Variants in MED13L observed in about 807,000 individuals in gnomAD.
MED13L encodes mediator complex subunit 13L, also known as mediator of RNA polymerase II transcription subunit 13-like.
Under a neutral mutation model 220.9 loss-of-function variants are expected in MED13L, and 7 were observed. The observed-to-expected ratio is 0.03, with a 90% CI of 0.02 to 0.06. The LOEUF is 0.06. Ranked by LOEUF, MED13L falls within the 10% of genes least tolerant of loss-of-function variation. The probability of loss-of-function intolerance (pLI) is 1.00; values close to 1 mark genes in which losing one functional copy is unlikely to be tolerated. For synonymous variants in MED13L, 1,011 were observed against 1,015.2 expected (o/e 1.00, Z 0.08); for missense variants, 1,965 against 2,760.5 (o/e 0.71, Z 6.46).
At chr12:116,234,783 G>C (rs1436323537) in intron 2 of MED13L, among the ~76,000 whole-genome samples, 1 of 151,826 alleles carries the variant, frequency 6.6e-6, no homozygotes, top group Non-Finnish European at 1.5e-5. Context: ...CCAGTCACCC[G>C]AGTAGTTGGA....
At chr12:116,265,606 T>C (rs1411499260) in intron 1 of MED13L, among the ~76,000 whole-genome samples, 1 of 152,248 alleles carries the variant, frequency 6.6e-6, no homozygotes, top group African/African-American at 2.4e-5. Flanking sequence ...GCATTTTGCG[T>C]AATATAGCAC....
intron 2 of MED13L, among the ~76,000 whole-genome samples, chr12:116,235,211 T>C (rs1303012824): frequency 6.6e-6 from 1 of 152,168 alleles, no homozygotes. Context: ...TACTTTTACC[T>C]ACAAAAATGG....
In MED13L at chr12:116,111,501, C is replaced by T; in HGVS notation, c.322G>A (p.Gly108Arg). The change falls in exon 3 of 31, where the codon GGA becomes AGA. Residue 108 changes from glycine to arginine, a missense_variant. Gly to Arg is a moderately radical substitution (Grantham distance 125). Around this residue, in one of 10 missense-constraint regions of MED13L, gnomAD observed 818 missense variants for 1,041.2 expected, o/e 0.79. Transcript: ENST00000281928. ...IHHELQVVEE[G>R]LWENGLSYEC... ...TAGGAAAGGCCATTTTCCCAGAGTC[C>T]TTCTTCCACAACTGAAAAAAAAAAG... is the stretch of plus-strand genomic sequence containing the variant. 1.2e-6 allele frequency: 2 copies of T among 1,604,878 alleles called. No homozygotes were observed. The highest frequency in any genetic ancestry group is 1.7e-6 in the Non-Finnish European group (2 of 1,176,254).
In MED13L at chr12:115,997,295, G is replaced by C. The variant is rs1403817967; in HGVS notation, c.2570-65C>G. On this transcript the variant is annotated intron_variant, in intron 14 of 30. Coordinates refer to ENST00000281928, the MANE Select transcript of MED13L (RefSeq NM_015335.5). ...GGCTTCTAAAAAGTCCTAGCTTATA[G>C]CCAGGCGCACTCTTTGGCACCAAAA... is the stretch of plus-strand genomic sequence containing the variant. 4 of 1,384,820 alleles carry C rather than the reference G, an allele frequency of 2.9e-6. No individual in the cohort carries two copies. The African/African-American group carries it at 4.3e-5, about 15-fold the overall frequency. The allele number at this position is 1,384,820 out of a possible 1,614,324, so 85.8% of individuals were successfully genotyped here. A position where few individuals can be genotyped will look rare whatever the true frequency, so the allele number is the denominator to read the frequency against.
intron 14 of MED13L, among the ~76,000 whole-genome samples, chr12:116,001,236 G>A (rs780549943): frequency 5.3e-5 from 8 of 152,000 alleles, no homozygotes; most frequent in Admixed American, 2.6e-4. Context: ...TTGCTCTGTC[G>A]CCGAGGCTGG....
chr12:116,152,629 G>C (rs892438502), intron 2 of MED13L, among the ~76,000 whole-genome samples: 28 of 152,002 alleles, frequency 1.8e-4, no homozygotes, highest in Non-Finnish European at 3.1e-4. Flanking sequence ...CCAATGGCGT[G>C]GGGGGGAAAG....
intron 23 of MED13L, among the ~76,000 whole-genome samples, chr12:115,979,024 G>A (rs547333190): frequency 4.7e-4 from 72 of 152,274 alleles, no homozygotes; most frequent in African/African-American, 1.7e-3. Context: ...CTGGCACACC[G>A]TAGATGCTCA....
At chr12:116,274,406 C>A (rs1873641741) in intron 1 of MED13L, among the ~76,000 whole-genome samples, 2 of 138,214 alleles carry the variant, frequency 1.4e-5, no homozygotes, top group African/African-American at 2.8e-5. Context: ...ATACTTTTCT[C>A]TGCAAAAAAA....
chr12:116,208,284 C>A (rs1159927412), intron 2 of MED13L, among the ~76,000 whole-genome samples: 1 of 152,154 alleles, frequency 6.6e-6, no homozygotes. Flanking sequence ...GTAATCCCAG[C>A]TACTCTGGAG....
rs373185229 is a variant in MED13L at position 116,116,233 on chromosome 12, T to C, written c.311-4721A>G. On this transcript the variant is annotated intron_variant, in intron 2 of 30. Coordinates refer to ENST00000281928, the MANE Select transcript of MED13L (RefSeq NM_015335.5). Reference sequence around the variant, plus strand: ...TAGAACTTTCTATCTCAGCCCCCTATTCCCCAACCCCCACCCTGACTTCTA... The same window carrying C: ...TAGAACTTTCTATCTCAGCCCCCTACTCCCCAACCCCCACCCTGACTTCTA... Among the ~76,000 whole-genome samples the C allele has an allele frequency of 5.9e-5, 9 of 152,234 alleles. 4 individuals are homozygous for C. The highest frequency in any genetic ancestry group is 2.2e-4 in the African/African-American group (9 of 41,560).
chr12:116,124,415 T>G (rs1042458635), intron 2 of MED13L, among the ~76,000 whole-genome samples: 10 of 152,206 alleles, frequency 6.6e-5, no homozygotes, highest in African/African-American at 2.2e-4. Flanking sequence ...TGACTATTGG[T>G]CTACCTTCTT....
chr12:116,206,329 G>T (rs1280379035), intron 2 of MED13L, among the ~76,000 whole-genome samples: 1 of 151,666 alleles, frequency 6.6e-6, no homozygotes, highest in African/African-American at 2.4e-5. Context: ...GATCCACTTA[G>T]GTATTATTAT....
intron 4 of MED13L, among the ~76,000 whole-genome samples, chr12:116,031,776 G>GAAGGAAGA (rs1880852677): frequency 2.8e-5 from 4 of 143,752 alleles, no homozygotes; most frequent in Non-Finnish European, 4.6e-5. Flanking sequence ...AGGAAGGAAG[G>GAAGGAAGA]AAGGAAGGAA....
At chr12:116,224,283 A>G (rs756248677) in intron 2 of MED13L, among the ~76,000 whole-genome samples, 6 of 152,088 alleles carry the variant, frequency 3.9e-5, no homozygotes, top group Non-Finnish European at 5.9e-5. Flanking sequence ...ACACATCTCA[A>G]ACTTCCCTAC....
intron 4 of MED13L, among the ~76,000 whole-genome samples, chr12:116,031,643 G>GGGGAC (rs755149086): frequency 0.014 from 1,455 of 102,278 alleles, 109 homozygotes; most frequent in East Asian, 0.032. Context: ...GGAGGGGAGG[G>GGGGAC]GGGACGGGAC....
At chr12:115,961,921 T>C (rs918738074) in intron 30 of MED13L, among the ~76,000 whole-genome samples, 3 of 151,344 alleles carry the variant, frequency 2.0e-5, no homozygotes, top group Non-Finnish European at 4.4e-5. Flanking sequence ...AGTGAGATCA[T>C]GCCACTGCAC....
intron 3 of MED13L, among the ~76,000 whole-genome samples, chr12:116,100,122 C>A (rs1020343126): frequency 6.6e-6 from 1 of 152,104 alleles, no homozygotes; most frequent in African/African-American, 2.4e-5. Context: ...CACACACAGT[C>A]CCTCCAAGAT....
intron 4 of MED13L, among the ~76,000 whole-genome samples, chr12:116,027,100 A>C (rs1220970882): frequency 6.6e-6 from 1 of 152,164 alleles, no homozygotes; most frequent in Non-Finnish European, 1.5e-5. Flanking sequence ...TGCATGTGGC[A>C]TAACATTTTT....
intron 4 of MED13L, among the ~76,000 whole-genome samples, chr12:116,055,911 AAG>A (rs1166035538): frequency 6.6e-6 from 1 of 152,052 alleles, no homozygotes; most frequent in Non-Finnish European, 1.5e-5. Context: ...AAAAAACAAA[AAG>A]AGAAAATGCC....
Sources: gnomAD v4.1 joint callset for allele counts (sites outside exome capture counted in the v4.1 genomes callset) on GRCh38, gnomAD v4.1.1 for gene constraint, gnomAD v4.1.1 regional missense constraint, MANE v1.5 for transcripts, NCBI Gene and HGNC (gene_info 2026-07-23, HGNC 2026-07-21) for gene names.